Variants in GMDS observed in about 807,000 individuals in gnomAD.
GMDS encodes GDP-mannose 4,6-dehydratase.
GMDS carries 20 observed loss-of-function variants against 49.9 expected under a neutral mutation model. The ratio of observed to expected loss-of-function variants is 0.40; its 90% CI spans 0.28 to 0.58. The LOEUF (loss-of-function observed/expected upper bound fraction) is 0.58, where lower values mean the gene tolerates loss of function less well. Among genes scored for constraint, GMDS ranks in the 20% least tolerant of loss-of-function variants. The pLI, the probability that GMDS is intolerant of heterozygous loss-of-function variation, is 0.42. For synonymous variants in GMDS, 177 were observed against 178.6 expected, an observed-to-expected ratio of 0.99 and a Z score of 0.07; for missense variants, 362 against 481.4, an observed-to-expected ratio of 0.75 and a Z score of 2.32.
chr6:1,723,329 ATT>A (rs10717511), intron 9 of GMDS, among the ~76,000 whole-genome samples: 524 of 100,394 alleles, frequency 5.2e-3, no homozygotes, highest in African/African-American at 0.013. Flanking sequence ...TCTTTATGGC[ATT>A]TTTTTTTTTT....
intron 7 of GMDS, among the ~76,000 whole-genome samples, chr6:1,888,531 T>C (rs576100749): frequency 1.1e-4 from 17 of 152,266 alleles, no homozygotes; most frequent in African/African-American, 3.4e-4. Flanking sequence ...GAGGGGATTA[T>C]GGGGATTATA....
At chr6:1,933,474 T>C (rs1461704266) in intron 6 of GMDS, among the ~76,000 whole-genome samples, 4 of 152,256 alleles carry the variant, frequency 2.6e-5, no homozygotes, top group Admixed American at 2.6e-4. Flanking sequence ...TGCACCACTT[T>C]ACATTCCCAC....
chr6:2,145,233 C>G (rs1022519614), intron 1 of GMDS, among the ~76,000 whole-genome samples: 12 of 152,206 alleles, frequency 7.9e-5, no homozygotes, highest in Non-Finnish European at 1.3e-4. Context: ...ATCTAAGAAG[C>G]CTTAAATATC....
chr6:2,097,601 A>G (rs1163458149), intron 4 of GMDS, among the ~76,000 whole-genome samples: 1 of 152,150 alleles, frequency 6.6e-6, no homozygotes, highest in African/African-American at 2.4e-5. Flanking sequence ...CTTTGCCATC[A>G]TTATTACACA....
intron 6 of GMDS, among the ~76,000 whole-genome samples, chr6:1,957,094 C>T (rs527852960): frequency 2.5e-4 from 38 of 152,216 alleles, no homozygotes; most frequent in Non-Finnish European, 4.6e-4. Flanking sequence ...TGAGCCATCG[C>T]GCCCGGCCCA....
intron 7 of GMDS, among the ~76,000 whole-genome samples, chr6:1,906,096 A>G (rs1760764551): frequency 6.6e-6 from 1 of 152,200 alleles, no homozygotes; most frequent in Non-Finnish European, 1.5e-5. Flanking sequence ...TGTGACAAGT[A>G]TTACTGTAAC....
rs1386525485 is a variant in GMDS at position 1,635,155 on chromosome 6, C to T, written c.988-10615G>A. Among the ~76,000 whole-genome samples the T allele has an allele frequency of 1.3e-5, 2 of 152,174 alleles. No homozygotes were observed. The highest frequency in any genetic ancestry group is 4.8e-5 in the African/African-American group (2 of 41,432). ...ACTTCTAGAGAATCACCTGTGATCT[C>T]TCATATCATTCCATGGAGCACGCCT... On this transcript the variant is annotated intron_variant, in intron 9 of 10. Transcript: ENST00000380815. The surrounding 1 kb of genome is among the most constrained non-coding windows in gnomAD (Gnocchi z 4.7).
chr6:2,083,077 T>C, intron 4 of GMDS, among the ~76,000 whole-genome samples: 1 of 152,150 alleles, frequency 6.6e-6, no homozygotes, highest in Admixed American at 6.5e-5. Context: ...GAGAATTGAG[T>C]ATAAACAACT....
intron 7 of GMDS, among the ~76,000 whole-genome samples, chr6:1,844,785 T>C (rs760269031): frequency 2.0e-5 from 3 of 152,226 alleles, no homozygotes; most frequent in Non-Finnish European, 4.4e-5. Flanking sequence ...GAAATGACTT[T>C]TGGCTCAAGA....
At chr6:1,806,246 A>G (rs77266825) in intron 7 of GMDS, among the ~76,000 whole-genome samples, 34 of 152,354 alleles carry the variant, frequency 2.2e-4, no homozygotes, top group Non-Finnish European at 3.2e-4. Context: ...AACAGGTCCT[A>G]GTATTTGCTT....
intron 9 of GMDS, among the ~76,000 whole-genome samples, chr6:1,629,533 G>C (rs1365274045): frequency 1.3e-5 from 2 of 152,210 alleles, no homozygotes; most frequent in African/African-American, 2.4e-5. Flanking sequence ...GCAGTGGAGA[G>C]GAAGTGGCAG....
intron 7 of GMDS, among the ~76,000 whole-genome samples, chr6:1,924,950 C>T (rs919423222): frequency 2.9e-4 from 31 of 106,884 alleles, no homozygotes; most frequent in African/African-American, 5.7e-4. Context: ...GGCGAGACTC[C>T]GTCTCAAAAA....
chr6:1,879,521 G>A (rs1459955678), intron 7 of GMDS, among the ~76,000 whole-genome samples: 1 of 151,180 alleles, frequency 6.6e-6, no homozygotes, highest in Non-Finnish European at 1.5e-5. Context: ...TTTATGTTAA[G>A]CTAAAAACTA....
intron 1 of GMDS, among the ~76,000 whole-genome samples, chr6:2,130,247 T>C (rs2127516987): frequency 6.6e-6 from 1 of 152,212 alleles, no homozygotes; most frequent in Admixed American, 6.5e-5. Context: ...GAAATGAGGA[T>C]ACCATCAATA....
At chr6:2,070,947 A>G (rs1013846394) in intron 4 of GMDS, among the ~76,000 whole-genome samples, 4 of 151,808 alleles carry the variant, frequency 2.6e-5, no homozygotes, top group African/African-American at 9.7e-5. Flanking sequence ...CACCACATTT[A>G]CTCTTAGTGA....
chr6:1,944,535 T>C (rs928211698), intron 6 of GMDS, among the ~76,000 whole-genome samples: 16 of 151,562 alleles, frequency 1.1e-4, no homozygotes, highest in Admixed American at 3.9e-4. Context: ...CCAGGCGTGG[T>C]GGCGGGCGCC....
chr6:1,988,477 G>A (rs1001211976), intron 4 of GMDS, among the ~76,000 whole-genome samples: 2 of 152,106 alleles, frequency 1.3e-5, no homozygotes, highest in African/African-American at 2.4e-5. Context: ...GGGGGCGAGG[G>A]GGGCTCCAAA....
At chr6:2,228,009 T>C (rs1415486627) in intron 1 of GMDS, among the ~76,000 whole-genome samples, 1 of 152,284 alleles carries the variant, frequency 6.6e-6, no homozygotes, top group East Asian at 1.9e-4. Context: ...CGCAGTGAAG[T>C]ACAAGGTAAA....
At chr6:1,814,754 C>G (rs1248223838) in intron 7 of GMDS, among the ~76,000 whole-genome samples, 1 of 151,906 alleles carries the variant, frequency 6.6e-6, no homozygotes, top group African/African-American at 2.4e-5. Context: ...TATATATATT[C>G]AAAATTCATT....
Sources: gnomAD v4.1 joint callset for allele counts (sites outside exome capture counted in the v4.1 genomes callset) on GRCh38, gnomAD v4.1.1 for gene constraint, Gnocchi (gnomAD v3.1) non-coding constraint, MANE v1.5 for transcripts, NCBI Gene and HGNC (gene_info 2026-07-23, HGNC 2026-07-21) for gene names.